Variants in MRPL48 observed in about 807,000 individuals in gnomAD.
The protein encoded by MRPL48 is mitochondrial ribosomal protein L48.
MRPL48 carries 16 observed loss-of-function variants against 32.9 expected under a neutral mutation model. That is an observed-to-expected ratio of 0.49 (90% CI 0.33 to 0.74). The LOEUF is 0.74. Among genes scored for constraint, MRPL48 ranks in the 30% least tolerant of loss-of-function variants. MRPL48 has a pLI of 0.02. For synonymous variants in MRPL48, 94 were observed against 89.2 expected, an observed-to-expected ratio of 1.05 and a Z score of -0.31; for missense variants, 206 against 245.3, an observed-to-expected ratio of 0.84 and a Z score of 1.07.
chr11:73,841,438 T>C (rs2135046454), intron 4 of MRPL48, among the ~76,000 whole-genome samples: 1 of 152,350 alleles, frequency 6.6e-6, no homozygotes, highest in South Asian at 2.1e-4. Context: ...GGCATATTCA[T>C]ACAGTGGACT....
chr11:73,814,040 CAAA>C (rs551377481), intron 3 of MRPL48, among the ~76,000 whole-genome samples: 2 of 62,938 alleles, frequency 3.2e-5, no homozygotes, highest in Non-Finnish European at 3.2e-5. Context: ...GACTCTGTCT[CAAA>C]AAAAAAAAAA....
intron 6 of MRPL48, among the ~76,000 whole-genome samples, chr11:73,862,602 A>AAAAT (rs1253204467): frequency 1.3e-5 from 2 of 151,994 alleles, no homozygotes; most frequent in Non-Finnish European, 2.9e-5. Context: ...CTCCGTCTCA[A>AAAAT]AAATAAATAA....
rs1425620806 is a variant in MRPL48, at chr11:73,863,222, A to G, written c.525A>G (p.Gln175=). The G allele has an allele frequency of 6.3e-7, 1 of 1,578,088 alleles. No homozygotes were observed. The highest frequency in any genetic ancestry group is 1.3e-5 in the African/African-American group (1 of 74,416). The change falls in exon 7 of 8, where the codon CAA becomes CAG. Residue 175 remains glutamine (Q), a synonymous_variant. Coordinates refer to ENST00000310614, the MANE Select transcript of MRPL48 (RefSeq NM_016055.6). The stretch of plus-strand genomic sequence containing the variant: ...CAGAAATTTTCTTGGAAATAATCCA[A>G]AGCAGTCTTCCTGAAGGAGTCAGAC... ...TFAEIFLEII[Q]SSLPEGVRLS...
intron 4 of MRPL48, chr11:73,842,662 G>A (rs60280069): frequency 0.14 from 21,549 of 151,926 alleles, 1,611 homozygotes; most frequent in African/African-American, 0.16. Context: ...TAGTAGAGAC[G>A]GGGTTTCACC....
intron 4 of MRPL48, among the ~76,000 whole-genome samples, chr11:73,844,009 G>GTAGA (rs1434408793): frequency 2.6e-5 from 4 of 152,086 alleles, no homozygotes; most frequent in African/African-American, 9.6e-5. Context: ...AACCCGGGAG[G>GTAGA]TAGAGATTGC....
chr11:73,798,994 C>CAAAAA (rs113432463), intron 1 of MRPL48, among the ~76,000 whole-genome samples: 2 of 128,442 alleles, frequency 1.6e-5, no homozygotes, highest in African/African-American at 2.8e-5. Context: ...CCCTCTCAAG[C>CAAAAA]AAAAAAAAAA....
chr11:73,807,631 CTTTTTT>C (rs777408873), intron 2 of MRPL48, among the ~76,000 whole-genome samples: 1 of 106,822 alleles, frequency 9.4e-6, no homozygotes, highest in Non-Finnish European at 1.8e-5. Context: ...GTATTATTAT[CTTTTTT>C]TTTTTTTTTT....
At chr11:73,854,754 A>G (rs1051920831) in intron 5 of MRPL48, among the ~76,000 whole-genome samples, 14 of 152,210 alleles carry the variant, frequency 9.2e-5, no homozygotes, top group South Asian at 4.1e-4. Flanking sequence ...CTCAGCTGTA[A>G]TGCCCTGGCT....
At chr11:73,850,533 C>A in intron 5 of MRPL48, 1 of 389,436 alleles carries the variant, frequency 2.6e-6, no homozygotes. Context: ...TTGTCTTTTA[C>A]TATTTCTTCA....
At chr11:73,809,503 CAAAA>C (rs11317887) in intron 3 of MRPL48, among the ~76,000 whole-genome samples, 4 of 102,966 alleles carry the variant, frequency 3.9e-5, no homozygotes, top group Admixed American at 1.0e-4. Flanking sequence ...GACTCCGTCT[CAAAA>C]AAAAAAAAAA....
At chr11:73,853,969 C>T (rs1265329353) in intron 5 of MRPL48, among the ~76,000 whole-genome samples, 1 of 151,894 alleles carries the variant, frequency 6.6e-6, no homozygotes, top group Non-Finnish European at 1.5e-5. Context: ...GGATTACAGG[C>T]GTGAGCCACC....
intron 3 of MRPL48, among the ~76,000 whole-genome samples, chr11:73,819,461 C>T (rs1040709681): frequency 2.6e-5 from 4 of 152,030 alleles, no homozygotes; most frequent in South Asian, 2.1e-4. Flanking sequence ...TTACATAAAA[C>T]GTTTTATTAT....
In MRPL48 at chr11:73,865,129, A is replaced by G. The variant is rs1392915646; in HGVS notation, c.*759A>G. On this transcript the variant is annotated 3_prime_UTR_variant, in exon 8 of 8. Transcript: ENST00000310614. ...TAATTAGCTGGACGTGGTGGTATGCACTTGTAGTCCCACTACTCAGGAGGC... is the reference window on the plus strand; with the variant it reads ...TAATTAGCTGGACGTGGTGGTATGCGCTTGTAGTCCCACTACTCAGGAGGC... 4 of 152,156 alleles carry G rather than the reference A, an allele frequency of 2.6e-5. No individual in the cohort carries two copies. The highest frequency in any genetic ancestry group is 5.9e-5 in the Non-Finnish European group (4 of 68,164). The allele number at this position is 152,156 out of a possible 1,614,324, so 9.4% of individuals were successfully genotyped here.
At chr11:73,788,868 C>T (rs1947098505) in intron 1 of MRPL48, among the ~76,000 whole-genome samples, 1 of 152,218 alleles carries the variant, frequency 6.6e-6, no homozygotes, top group South Asian at 2.1e-4. Context: ...TTCTCCCGTT[C>T]CCTTAACAGA....
At chr11:73,831,038 T>G (rs911648799) in intron 4 of MRPL48, among the ~76,000 whole-genome samples, 73 of 151,758 alleles carry the variant, frequency 4.8e-4, no homozygotes, top group Non-Finnish European at 1.2e-4. Context: ...TGGGGTTTCA[T>G]CATGTTGGCC....
At chr11:73,817,796 G>T (rs982652629) in intron 3 of MRPL48, 25 of 385,340 alleles carry the variant, frequency 6.5e-5, no homozygotes, top group Non-Finnish European at 1.1e-4. Context: ...ATTTATTTTT[G>T]TTGTTGTTGT....
intron 4 of MRPL48, among the ~76,000 whole-genome samples, chr11:73,835,160 T>TG (rs1565101575): frequency 1.4e-5 from 2 of 147,412 alleles, no homozygotes; most frequent in African/African-American, 5.1e-5. Context: ...TTTTTTTTTT[T>TG]GAGACGAAGT....
At chr11:73,824,370 A>G (rs973404845) in intron 3 of MRPL48, among the ~76,000 whole-genome samples, 1 of 151,660 alleles carries the variant, frequency 6.6e-6, no homozygotes, top group East Asian at 2.0e-4. Context: ...TGGGCGAATC[A>G]TGAGGTCAGT....
Position 73,799,929 on chromosome 11 carries a change from C to T in MRPL48, c.22-5098C>T, listed in dbSNP as rs1374592059. Among the ~76,000 whole-genome samples the T allele has an allele frequency of 4.6e-5, 7 of 152,196 alleles. No individual in the cohort carries two copies. In the East Asian group the frequency reaches 1.3e-3, roughly 29 times the overall value. On this transcript the variant is annotated intron_variant, in intron 1 of 7. Transcript: ENST00000310614. The stretch of plus-strand genomic sequence containing the variant: ...GAACTTCATTAGTATAAATTGGTAT[C>T]AGTTTTTTGAGAGGTAGTGTGGAAG...
Sources: gnomAD v4.1 joint callset for allele counts (sites outside exome capture counted in the v4.1 genomes callset) on GRCh38, gnomAD v4.1.1 for gene constraint, MANE v1.5 for transcripts, NCBI Gene and HGNC (gene_info 2026-07-23, HGNC 2026-07-21) for gene names.